SLC18A2: variants seen among roughly 807,000 people sequenced by gnomAD.
SLC18A2 encodes the protein synaptic vesicular amine transporter.
In SLC18A2, 33 loss-of-function variants were observed where a neutral mutation model predicts 59.2. The ratio of observed to expected loss-of-function variants is 0.56; its 90% CI spans 0.42 to 0.75. The LOEUF (loss-of-function observed/expected upper bound fraction) is 0.75, where lower values mean the gene tolerates loss of function less well. SLC18A2 is among the 30% of genes least tolerant of loss of function. SLC18A2 has a pLI of 0.00. For missense variants in SLC18A2, 569 were observed against 668.6 expected (o/e 0.85, Z 1.64); for synonymous variants, 228 against 253.5 (o/e 0.90, Z 0.95).
intron 6 of SLC18A2, among the ~76,000 whole-genome samples, chr10:117,255,014 C>T (rs1844211905): frequency 6.6e-6 from 1 of 152,198 alleles, no homozygotes; most frequent in Non-Finnish European, 1.5e-5. Flanking sequence ...TGGAAGCAGC[C>T]CAGCCCTGGG....
At chr10:117,267,531 A>C in intron 12 of SLC18A2, 142 bp from the exon 13 acceptor site, 1 of 568,102 alleles carries the variant, frequency 1.8e-6, no homozygotes, top group Non-Finnish European at 3.0e-6. Context: ...GGTTCTTCAC[A>C]AACCCCACCC....
At chr10:117,272,118 A>C (rs1844434792) in intron 15 of SLC18A2, among the ~76,000 whole-genome samples, 2 of 152,100 alleles carry the variant, frequency 1.3e-5, no homozygotes, top group African/African-American at 4.8e-5. Flanking sequence ...GATAACGTCT[A>C]CCTCATAGGA....
At chr10:117,266,942 AATC>A in intron 11 of SLC18A2, 39 bp from the exon 12 acceptor site, 1 of 1,601,106 alleles carries the variant, frequency 6.2e-7, no homozygotes. Flanking sequence ...ACTAGAAAAA[AATC>A]AAATGATCAT....
intron 9 of SLC18A2, 93 bp from the exon 10 acceptor site, chr10:117,257,704 C>A (rs537049195): frequency 3.1e-6 from 2 of 637,012 alleles, no homozygotes; most frequent in Middle Eastern, 2.7e-4. Flanking sequence ...GTAGAAGTTG[C>A]GGTTATCTGA....
chr10:117,259,803 G>A (rs370198800), intron 10 of SLC18A2, among the ~76,000 whole-genome samples: 1 of 152,092 alleles, frequency 6.6e-6, no homozygotes, highest in Non-Finnish European at 1.5e-5. Context: ...TTTGCAGTGG[G>A]CTCTGTTTTC....
intron 3 of SLC18A2, among the ~76,000 whole-genome samples, chr10:117,249,026 C>T (rs1589978240): frequency 1.3e-5 from 2 of 152,232 alleles, no homozygotes; most frequent in Admixed American, 6.5e-5. Context: ...GAGGAAGCCA[C>T]AGGGCATGAA....
In SLC18A2 at chr10:117,241,762, G is replaced by C. The variant is rs377122366; in HGVS notation, c.69G>C (p.Leu23=). ...QESRRSRKLI[L]FIVFLALLLD... is the part of the protein sequence containing the mutation. ...GCCGCCGCTCGCGGAAGCTCATCCTGTTCATCGTGTTCCTGGCGCTGCTGC... is the reference window on the plus strand; with the variant it reads ...GCCGCCGCTCGCGGAAGCTCATCCTCTTCATCGTGTTCCTGGCGCTGCTGC... Residue 23 remains leucine, a synonymous_variant, in exon 2 of 16, where the codon CTG becomes CTC. Transcript: ENST00000644641. 1 of 1,611,322 alleles carries C rather than the reference G, an allele frequency of 6.2e-7. No homozygotes were observed. The highest frequency in any genetic ancestry group is 8.5e-7 in the Non-Finnish European group (1 of 1,179,202).
rs979373113 is a variant in SLC18A2 at position 117,246,386 on chromosome 10, A to G, written c.464+2073A>G. Among the ~76,000 whole-genome samples, 6 of 152,320 alleles carry G rather than the reference A, an allele frequency of 3.9e-5. No individual in the cohort carries two copies. In the South Asian group the frequency reaches 1.2e-3, roughly 32 times the overall value. The stretch of plus-strand genomic sequence containing the variant: ...ATGCTTTGCTTATGCCATGGGGAAG[A>G]GGCTTGTTTAAAACCAGTGAGCTCT... On this transcript the variant is annotated intron_variant, in intron 3 of 15. Transcript: ENST00000644641.
chr10:117,241,458 C>T (rs1014709214), intron 1 of SLC18A2, among the ~76,000 whole-genome samples: 1 of 152,058 alleles, frequency 6.6e-6, no homozygotes, highest in African/African-American at 2.4e-5. Flanking sequence ...TAGGTTGGGT[C>T]TCCAGATTGG....
Position 117,270,358 on chromosome 10 carries a change from G to GCA in SLC18A2, c.1335_1336insCA (p.Ala446GlnfsTer9). The GCA allele has an allele frequency of 1.2e-6, 2 of 1,614,186 alleles. No individual in the cohort carries two copies. Among genetic ancestry groups the GCA allele is most frequent in the Non-Finnish European group, 1.7e-6 (2 of 1,180,030 alleles). On this transcript the variant is annotated frameshift_variant, in exon 15 of 16. Coordinates refer to ENST00000644641, the MANE Select transcript of SLC18A2 (RefSeq NM_003054.6). LOFTEE classifies it high-confidence loss of function. ...CTTCTGCTGGTGGTGCTATTGCAAA[G>GCA]GCAATTGGATTTCCATGGCTCATGA... is the stretch of plus-strand genomic sequence containing the variant.
intron 10 of SLC18A2, 88 bp from the exon 11 acceptor site, chr10:117,266,642 CTCA>C (rs1283041130): frequency 2.0e-6 from 2 of 1,011,302 alleles, no homozygotes; most frequent in Non-Finnish European, 3.0e-6. Flanking sequence ...TTTATCTGCT[CTCA>C]TCAACATTGT....
chr10:117,261,875 C>G (rs536515911), intron 10 of SLC18A2, among the ~76,000 whole-genome samples: 1 of 152,164 alleles, frequency 6.6e-6, no homozygotes. Flanking sequence ...TGTGAATACA[C>G]TAAACATCAC....
intron 3 of SLC18A2, among the ~76,000 whole-genome samples, chr10:117,247,381 T>C (rs906003222): frequency 2.0e-5 from 3 of 152,224 alleles, no homozygotes; most frequent in Admixed American, 6.5e-5. Flanking sequence ...CAAAGGAGTT[T>C]GCAGTTCAGG....
intron 9 of SLC18A2, 108 bp from the exon 10 acceptor site, chr10:117,257,689 T>C: frequency 1.8e-6 from 1 of 559,994 alleles, no homozygotes; most frequent in Non-Finnish European, 3.1e-6. Context: ...CTTTACTTAA[T>C]GAAAGTAGAA....
rs899345116 is a variant in SLC18A2, at chr10:117,269,759, G to T, written c.1187-312G>T. 6.6e-5 allele frequency among the ~76,000 whole-genome samples: 10 copies of T among 152,214 alleles called. No individual in the cohort carries two copies. The highest frequency in any genetic ancestry group is 2.4e-4 in the African/African-American group (10 of 41,436). ...TTGCTGCTTCCTAATATGTACAAGT[G>T]CTGGGGATATGGGTGAACAAAACCA... On this transcript the variant is annotated intron_variant, in intron 13 of 15. Coordinates refer to ENST00000644641, the MANE Select transcript of SLC18A2 (RefSeq NM_003054.6). This position sits in a 1 kb window ranked among gnomAD's most constrained non-coding sequence, Gnocchi z 5.1.
chr10:117,264,513 C>T (rs1019148552), intron 10 of SLC18A2, among the ~76,000 whole-genome samples: 1 of 152,200 alleles, frequency 6.6e-6, no homozygotes, highest in Non-Finnish European at 1.5e-5. Context: ...CAAACAGGAT[C>T]TTCCAATACT....
chr10:117,247,792 G>A (rs555958193), intron 3 of SLC18A2, among the ~76,000 whole-genome samples: 2 of 152,112 alleles, frequency 1.3e-5, no homozygotes, highest in Non-Finnish European at 2.9e-5. Flanking sequence ...GCTTCCTGTA[G>A]TCAGGCTGGG....
chr10:117,262,622 A>T (rs999710513), intron 10 of SLC18A2, among the ~76,000 whole-genome samples: 5 of 152,060 alleles, frequency 3.3e-5, no homozygotes, highest in Non-Finnish European at 7.4e-5. Flanking sequence ...TGCTGAGTCC[A>T]GCTGCTGTGT....
intron 15 of SLC18A2, 116 bp from the exon 16 acceptor site, chr10:117,277,046 A>G (rs1423437868): frequency 3.4e-6 from 2 of 586,268 alleles, no homozygotes; most frequent in East Asian, 6.1e-5. Flanking sequence ...ATGACTGGTT[A>G]ATAGCAAGTA....
Sources: gnomAD v4.1 joint callset for allele counts (sites outside exome capture counted in the v4.1 genomes callset) on GRCh38, gnomAD v4.1.1 for gene constraint, Gnocchi (gnomAD v3.1) non-coding constraint, MANE v1.5 for transcripts, NCBI Gene and HGNC (gene_info 2026-07-23, HGNC 2026-07-21) for gene names.